The following PBX3 variants were observed in gnomAD, a reference collection of about 807,000 sequenced individuals.
PBX3 encodes the protein PBX homeobox 3, also known as pre-B-cell leukemia transcription factor 3.
A neutral mutation model predicts 48.5 loss-of-function variants in PBX3; 14 were observed. That is an observed-to-expected ratio of 0.29 (90% CI 0.19 to 0.45). PBX3 has a LOEUF of 0.45. Among genes scored for constraint, PBX3 ranks in the 20% least tolerant of loss-of-function variants. The pLI is 1.00. For synonymous variants in PBX3, 210 were observed against 200.3 expected (o/e 1.05, Z -0.41); for missense variants, 386 against 546.7 (o/e 0.71, Z 2.93).
intron 2 of PBX3, among the ~76,000 whole-genome samples, chr9:125,885,601 C>G (rs1212505374): frequency 1.3e-5 from 2 of 152,108 alleles, no homozygotes; most frequent in Non-Finnish European, 2.9e-5. Flanking sequence ...AACTGTGACA[C>G]AAGTGCAACC....
rs1840201972 is a variant in PBX3 at position 125,874,460 on chromosome 9, C to CAATG, written c.275-41225_275-41222dup. On this transcript the variant is annotated intron_variant, in intron 2 of 8. Transcript: ENST00000373489. ...CAAAATGTTGCCAAAGTGAGTCCAG[C>CAATG]AATGCATAGACATATAATATGGTTC... 2.0e-5 allele frequency among the ~76,000 whole-genome samples: 3 copies of CAATG among 152,200 alleles called. No homozygotes were observed. The South Asian group carries it at 6.2e-4, about 32-fold the overall frequency.
intron 2 of PBX3, among the ~76,000 whole-genome samples, chr9:125,898,404 A>G (rs1037153339): frequency 6.7e-6 from 1 of 150,024 alleles, no homozygotes; most frequent in Non-Finnish European, 1.5e-5. Context: ...AATGAAATAC[A>G]TTTTTTGTGT....
intron 5 of PBX3, among the ~76,000 whole-genome samples, chr9:125,956,998 A>G (rs759801405): frequency 2.4e-4 from 37 of 152,068 alleles, no homozygotes; most frequent in Admixed American, 1.3e-4. Context: ...GCAACTAATT[A>G]TATCCATCTG....
intron 2 of PBX3, among the ~76,000 whole-genome samples, chr9:125,805,303 G>A (rs1838094005): frequency 6.6e-6 from 1 of 152,106 alleles, no homozygotes; most frequent in African/African-American, 2.4e-5. Context: ...TGTGTGAGGG[G>A]AAGAATAGTA....
At chr9:125,760,245 T>G (rs1836629276) in intron 2 of PBX3, among the ~76,000 whole-genome samples, 1 of 152,226 alleles carries the variant, frequency 6.6e-6, no homozygotes, top group Non-Finnish European at 1.5e-5. Flanking sequence ...AGAAAAAAAG[T>G]CATAAATTCC....
At chr9:125,810,558 G>C (rs569630082) in intron 2 of PBX3, among the ~76,000 whole-genome samples, 7 of 152,068 alleles carry the variant, frequency 4.6e-5, no homozygotes, top group Non-Finnish European at 8.8e-5. Flanking sequence ...TTTTTGGCCA[G>C]TTTTCAGTGA....
chr9:125,780,762 C>A (rs2132033009), intron 2 of PBX3, among the ~76,000 whole-genome samples: 1 of 136,622 alleles, frequency 7.3e-6, no homozygotes, highest in Admixed American at 7.0e-5. Context: ...GGGCGGCTGG[C>A]CGGGCGGGGG....
At chr9:125,882,514 T>A (rs1034251740) in intron 2 of PBX3, among the ~76,000 whole-genome samples, 2 of 152,200 alleles carry the variant, frequency 1.3e-5, no homozygotes, top group Non-Finnish European at 2.9e-5. Flanking sequence ...GGTTGGGTAT[T>A]TGTAAAGAAG....
In PBX3 at chr9:125,929,651, A is replaced by T. The variant is rs1315266305; in HGVS notation, c.517-4A>T. ...AAAGGAGTGATTTTTTTTTCCCATT[A>T]CAGGCATGTAATGAATTTACTACAC... On this transcript the variant is annotated splice_polypyrimidine_tract_variant and splice_region_variant and intron_variant, in intron 3 of 8. Transcript: ENST00000373489. The T allele has an allele frequency of 1.9e-6, 3 of 1,590,182 alleles. No individual in the cohort carries two copies. Among genetic ancestry groups the T allele is most frequent in the Admixed American group, 3.6e-5 (2 of 55,270 alleles).
At chr9:125,747,725 G>C (rs1488248185) in intron 1 of PBX3, 72 bp downstream of exon 1, 3 of 1,224,352 alleles carry the variant, frequency 2.5e-6, no homozygotes, top group Non-Finnish European at 2.2e-6. Context: ...CGAGGCCCGG[G>C]GTGGCGCCCG....
intron 2 of PBX3, among the ~76,000 whole-genome samples, chr9:125,838,343 C>G (rs145116155): frequency 5.1e-4 from 77 of 152,296 alleles, no homozygotes; most frequent in African/African-American, 1.7e-3. Context: ...AGCCGCTGCA[C>G]CTGGCGTCTT....
intron 2 of PBX3, among the ~76,000 whole-genome samples, chr9:125,760,379 A>G (rs1483906655): frequency 6.6e-6 from 1 of 151,580 alleles, no homozygotes; most frequent in Non-Finnish European, 1.5e-5. Flanking sequence ...GCAGGAAAAT[A>G]CTGTTTGTGT....
chr9:125,915,049 G>A lies in PBX3; in HGVS notation c.275-637G>A, dbSNP rs745601931. Among the ~76,000 whole-genome samples the A allele has an allele frequency of 6.6e-5, 10 of 151,944 alleles. No individual in the cohort carries two copies. The South Asian group carries it at 1.0e-3, about 16-fold the overall frequency. On this transcript the variant is annotated intron_variant, in intron 2 of 8. Coordinates refer to ENST00000373489, the MANE Select transcript of PBX3 (RefSeq NM_006195.6). The stretch of plus-strand genomic sequence containing the variant: ...TTTTAATACTGTATTTAGTATCCTC[G>A]TTTTATAGTTTGCTGGCAATTGCTT...
intron 2 of PBX3, among the ~76,000 whole-genome samples, chr9:125,753,754 G>T (rs1022241692): frequency 2.6e-5 from 4 of 151,950 alleles, no homozygotes; most frequent in Admixed American, 6.6e-5. Flanking sequence ...TAGCAAAGGA[G>T]GCCCCGACTT....
chr9:125,874,478 T>C (rs1216028909), intron 2 of PBX3, among the ~76,000 whole-genome samples: 1 of 152,132 alleles, frequency 6.6e-6, no homozygotes, highest in Non-Finnish European at 1.5e-5. Context: ...AGACATATAA[T>C]ATGGTTCAGC....
chr9:125,751,810 C>G (rs1418545349), intron 2 of PBX3, among the ~76,000 whole-genome samples: 1 of 152,168 alleles, frequency 6.6e-6, no homozygotes, highest in African/African-American at 2.4e-5. Context: ...GCCACAAGGT[C>G]TGCTCACCTG....
At chr9:125,813,023 A>T (rs946324319) in intron 2 of PBX3, among the ~76,000 whole-genome samples, 2 of 152,230 alleles carry the variant, frequency 1.3e-5, no homozygotes, top group African/African-American at 4.8e-5. Flanking sequence ...CACACTTTAT[A>T]TATGATGTAC....
intron 2 of PBX3, among the ~76,000 whole-genome samples, chr9:125,776,476 T>C (rs1206036734): frequency 6.6e-6 from 1 of 152,242 alleles, no homozygotes; most frequent in Admixed American, 6.5e-5. Flanking sequence ...TCTATACTTG[T>C]AAAATATATT....
At chr9:125,863,424 A>T (rs1839910111) in intron 2 of PBX3, among the ~76,000 whole-genome samples, 1 of 151,188 alleles carries the variant, frequency 6.6e-6, no homozygotes, top group Non-Finnish European at 1.5e-5. Context: ...GTTGGCCAGG[A>T]TTGTCTCGAT....
Sources: gnomAD v4.1 joint callset for allele counts (sites outside exome capture counted in the v4.1 genomes callset) on GRCh38, gnomAD v4.1.1 for gene constraint, MANE v1.5 for transcripts, NCBI Gene and HGNC (gene_info 2026-07-23, HGNC 2026-07-21) for gene names.